PTN: variants seen among roughly 807,000 people sequenced by gnomAD.
PTN encodes heparin affin regulatory protein.
In PTN, 18 loss-of-function variants were observed where a neutral mutation model predicts 24.1. The ratio of observed to expected loss-of-function variants is 0.75; its 90% CI spans 0.52 to 1.11. PTN has a LOEUF of 1.11. Among genes scored for constraint, PTN ranks in the 50% least tolerant of loss-of-function variants. The pLI, the probability that PTN is intolerant of heterozygous loss-of-function variation, is 0.00. For missense variants in PTN, 163 were observed against 198.8 expected (o/e 0.82, Z 1.08); for synonymous variants, 78 against 68.6 (o/e 1.14, Z -0.67).
intron 1 of PTN, among the ~76,000 whole-genome samples, chr7:137,268,326 C>A (rs529949001): frequency 1.3e-5 from 2 of 152,238 alleles, no homozygotes; most frequent in South Asian, 4.2e-4. Context: ...TTACTCACCT[C>A]GCTTGCCGGT....
chr7:137,256,639 C>T (rs1440890233), intron 1 of PTN, among the ~76,000 whole-genome samples: 2 of 152,098 alleles, frequency 1.3e-5, no homozygotes, highest in African/African-American at 4.8e-5. Flanking sequence ...GTGCCTGTGT[C>T]TTTATATTAA....
intron 1 of PTN, among the ~76,000 whole-genome samples, chr7:137,308,704 C>T (rs1007578295): frequency 1.3e-5 from 2 of 152,174 alleles, no homozygotes; most frequent in African/African-American, 4.8e-5. Context: ...TGCTCCTGAT[C>T]CAGTCTTCAC....
intron 4 of PTN, among the ~76,000 whole-genome samples, chr7:137,239,985 T>C (rs1393606502): frequency 6.6e-6 from 1 of 152,132 alleles, no homozygotes; most frequent in Non-Finnish European, 1.5e-5. Flanking sequence ...TGAAGGACTT[T>C]GAACTTCTGC....
At chr7:137,297,250 G>T (rs1352797833) in intron 1 of PTN, among the ~76,000 whole-genome samples, 3 of 152,094 alleles carry the variant, frequency 2.0e-5, no homozygotes, top group African/African-American at 7.2e-5. Context: ...ATTTGGTTTG[G>T]ATATAGTCTG....
chr7:137,284,183 C>T (rs1585028803), intron 1 of PTN, among the ~76,000 whole-genome samples: 2 of 151,362 alleles, frequency 1.3e-5, no homozygotes, highest in South Asian at 4.2e-4. Context: ...GTCTCGATCT[C>T]CCGACCTCGT....
At chr7:137,285,175 A>G (rs971649938) in intron 1 of PTN, among the ~76,000 whole-genome samples, 5 of 152,194 alleles carry the variant, frequency 3.3e-5, no homozygotes, top group African/African-American at 1.2e-4. Flanking sequence ...GCTGGATTCT[A>G]TACACTAAAT....
chr7:137,283,676 C>A (rs1014521233), intron 1 of PTN, among the ~76,000 whole-genome samples: 1 of 152,104 alleles, frequency 6.6e-6, no homozygotes, highest in Non-Finnish European at 1.5e-5. Flanking sequence ...CTTCACCATA[C>A]TTTTCGCAAT....
intron 1 of PTN, chr7:137,324,936 TCAGAGTATGAAA>T (rs1810233466): frequency 6.6e-6 from 1 of 152,188 alleles, no homozygotes; most frequent in South Asian, 2.1e-4. Context: ...ATGAATTGTT[TCAGAGTATGAAA>T]CAGAGTATGA....
chr7:137,244,374 A>ATTTTTTTTTTTTTTTTT (rs1242182641), intron 4 of PTN, among the ~76,000 whole-genome samples: 3 of 131,166 alleles, frequency 2.3e-5, no homozygotes, highest in Non-Finnish European at 3.2e-5. Context: ...TCTCCTCAGA[A>ATTTTTTTTTTTTTTTTT]TTTTTTTTTT....
At chr7:137,334,007 G>A (rs1288925181) in intron 1 of PTN, among the ~76,000 whole-genome samples, 1 of 152,132 alleles carries the variant, frequency 6.6e-6, no homozygotes, top group Non-Finnish European at 1.5e-5. Context: ...AGCTGAAACT[G>A]GATCCCTTCC....
rs151138213 is a variant in PTN, at chr7:137,260,932, A to G, written c.-1-5958T>C. Among the ~76,000 whole-genome samples the G allele has an allele frequency of 4.2e-3, 647 of 152,254 alleles. 6 individuals carry two copies. Among genetic ancestry groups the G allele is most frequent in the Non-Finnish European group, 5.8e-3 (394 of 68,012 alleles). On this transcript the variant is annotated intron_variant, in intron 1 of 4. Transcript: ENST00000348225. Reference sequence around the variant, plus strand: ...CAATACTTAACATAATTCCATAAAGAAATGTTTTCCTTCATCTAATATTTT... The same window carrying G: ...CAATACTTAACATAATTCCATAAAGGAATGTTTTCCTTCATCTAATATTTT...
At chr7:137,295,855 G>C (rs938184407) in intron 1 of PTN, among the ~76,000 whole-genome samples, 13 of 151,922 alleles carry the variant, frequency 8.6e-5, no homozygotes, top group African/African-American at 2.7e-4. Flanking sequence ...GGAGCAAACA[G>C]ATAAAGAAAC....
At chr7:137,234,572 G>A (rs928995631) in intron 4 of PTN, among the ~76,000 whole-genome samples, 14 of 152,002 alleles carry the variant, frequency 9.2e-5, no homozygotes, top group Non-Finnish European at 1.5e-4. Flanking sequence ...GTTGGTATAA[G>A]TAAACATCAA....
chr7:137,254,193 G>A lies in PTN; in HGVS notation c.116-556C>T, dbSNP rs187441740. On this transcript the variant is annotated intron_variant, in intron 2 of 4. Coordinates refer to ENST00000348225, the MANE Select transcript of PTN (RefSeq NM_002825.7). ...CATGCCTGCAGCCCCAGCTACTCGG[G>A]AAGCTGAGGCAGGAGAATCACTTGA... 2.8e-3 allele frequency among the ~76,000 whole-genome samples: 418 copies of A among 151,764 alleles called. 2 individuals are homozygous for A. Among genetic ancestry groups the A allele is most frequent in the African/African-American group, 9.7e-3 (403 of 41,360 alleles).
intron 1 of PTN, among the ~76,000 whole-genome samples, chr7:137,340,854 T>C (rs1183704637): frequency 5.9e-5 from 9 of 152,166 alleles, no homozygotes; most frequent in Non-Finnish European, 1.2e-4. Context: ...CTCATCACAT[T>C]GGGTGGTCTC....
At chr7:137,308,408 T>C (rs1395659544) in intron 1 of PTN, among the ~76,000 whole-genome samples, 1 of 152,178 alleles carries the variant, frequency 6.6e-6, no homozygotes, top group Non-Finnish European at 1.5e-5. Context: ...GAAATACAAA[T>C]GTACGTACAT....
intron 1 of PTN, among the ~76,000 whole-genome samples, chr7:137,316,852 C>T (rs1479358141): frequency 6.6e-6 from 1 of 152,110 alleles, no homozygotes. Flanking sequence ...GGTGTTTGAC[C>T]GTCTAGGATG....
chr7:137,321,821 T>C (rs1810167238), intron 1 of PTN, among the ~76,000 whole-genome samples: 1 of 152,332 alleles, frequency 6.6e-6, no homozygotes, highest in East Asian at 1.9e-4. Flanking sequence ...AGAATTAATG[T>C]TCTATTTATA....
At chr7:137,250,675 G>A (rs184348447) in intron 4 of PTN, among the ~76,000 whole-genome samples, 1 of 152,298 alleles carries the variant, frequency 6.6e-6, no homozygotes, top group African/African-American at 2.4e-5. Context: ...CTTTCTGGGA[G>A]ATACAGATCT....
Sources: gnomAD v4.1 joint callset for allele counts (sites outside exome capture counted in the v4.1 genomes callset) on GRCh38, gnomAD v4.1.1 for gene constraint, MANE v1.5 for transcripts, NCBI Gene and HGNC (gene_info 2026-07-23, HGNC 2026-07-21) for gene names.